ASMT: variants seen among roughly 807,000 people sequenced by gnomAD.
ASMT encodes the protein acetylserotonin N-methyltransferase.
ASMT carries 53 observed loss-of-function variants against 41.3 expected under a neutral mutation model. The observed-to-expected ratio is 1.28, with a 90% CI of 1.03 to 1.61. ASMT has a LOEUF of 1.61. ASMT is among the 40% of genes most tolerant of loss of function. The pLI is 0.00. For missense variants in ASMT, 531 were observed against 441.3 expected (o/e 1.20, Z -1.82); for synonymous variants, 231 against 184.8 (o/e 1.25, Z -2.03).
intron 5 of ASMT, among the ~76,000 whole-genome samples, chrX:1,630,245 T>G (rs1454808346): frequency 6.6e-6 from 1 of 150,540 alleles, no homozygotes; most frequent in African/African-American, 2.4e-5. Flanking sequence ...GCGATTCTCC[T>G]GCCTCAGCCT....
chrX:1,619,393 CAAAA>C (rs752048500), intron 1 of ASMT, among the ~76,000 whole-genome samples: 1 of 84,614 alleles, frequency 1.2e-5, no homozygotes, highest in Non-Finnish European at 2.7e-5. Flanking sequence ...GACCCTGTCT[CAAAA>C]AAAAAAAAAA....
Position 1,642,928 on chromosome X carries a change from C to G in ASMT, c.1036C>G (p.His346Asp), listed in dbSNP as rs140152081. 90 of 1,613,884 alleles carry G rather than the reference C, an allele frequency of 5.6e-5. No homozygotes were observed. The highest frequency in any genetic ancestry group is 6.9e-5 in the Non-Finnish European group (81 of 1,179,880). The part of the protein sequence containing the change: ...EGQERTPTHY[H>D]MLLSSAGFRD... Reference sequence around the variant, plus strand: ...GCAGGAGAGGACCCCCACCCACTACCACATGCTCCTCTCTTCTGCTGGCTT... The same window carrying G: ...GCAGGAGAGGACCCCCACCCACTACGACATGCTCCTCTCTTCTGCTGGCTT... Residue 346 changes from histidine (H) to aspartate (D), a missense_variant, in exon 9 of 9, where the codon CAC (histidine) becomes GAC (aspartate). Physicochemically the swap from His to Asp is moderately conservative, Grantham distance 81 (BLOSUM62 -1). Transcript: ENST00000381241.
In ASMT at chrX:1,615,241, C is replaced by G. The variant is rs370444234; in HGVS notation, c.42C>G (p.Asp14Glu). The G allele has an allele frequency of 2.4e-5, 38 of 1,598,154 alleles. No individual in the cohort carries two copies. In the African/African-American group the frequency reaches 2.5e-4, roughly 11 times the overall value. Reference protein sequence around the residue: ...SEDQAYRLLNDYANGFMVSQV... With the variant: ...SEDQAYRLLNEYANGFMVSQV... The stretch of plus-strand genomic sequence containing the variant: ...ACCAGGCCTATCGCCTCCTTAATGA[C>G]TACGCCAACGGCTTCATGGTGTCCC... Residue 14 changes from aspartate to glutamate, a missense_variant, in exon 1 of 9, where the codon GAC becomes GAG. Physicochemically the swap from Asp to Glu is conservative, Grantham distance 45. Transcript: ENST00000381241.
chrX:1,636,958 C>G (rs1261165144), intron 8 of ASMT, among the ~76,000 whole-genome samples: 1 of 88,332 alleles, frequency 1.1e-5, no homozygotes, highest in East Asian at 6.3e-4. Flanking sequence ...TGAGGTCCAT[C>G]CATCCTGATG....
rs763932976 is a variant in ASMT, at chrX:1,642,941, CT to C, written c.1051del (p.Ser351LeufsTer20). On this transcript the variant is annotated frameshift_variant, in exon 9 of 9. Coordinates refer to ENST00000381241, the MANE Select transcript of ASMT (RefSeq NM_001171038.2). LOFTEE classifies it high-confidence loss of function. ...RTPTHYHMLLSSAGFRDFQFK... is the reference protein window; with the variant it reads ...RTPTHYHMLLXSAGFRDFQFK... ...CCCACCCACTACCACATGCTCCTCT[CT>C]TCTGCTGGCTTCAGAGACTTCCAGT... 1 of 1,613,984 alleles carries C rather than the reference CT, an allele frequency of 6.2e-7. No homozygotes were observed. Among genetic ancestry groups the C allele is most frequent in the South Asian group, 1.1e-5 (1 of 91,072 alleles).
At chrX:1,636,312 A>C (rs1934960414) in intron 7 of ASMT, 126 bp from the exon 8 acceptor site, 2 of 1,365,230 alleles carry the variant, frequency 1.5e-6, no homozygotes. Flanking sequence ...CTAGGTCTGC[A>C]GGTGACTAGC....
At chrX:1,629,730 G>A (rs1240547092) in intron 4 of ASMT, 91 bp from the exon 5 acceptor site, 5 of 1,174,826 alleles carry the variant, frequency 4.3e-6, no homozygotes, top group Non-Finnish European at 6.4e-6. Context: ...GTGGGGTATA[G>A]CTCCGTTCTC....
At chrX:1,632,507 T>C (rs1374604984) in intron 5 of ASMT, among the ~76,000 whole-genome samples, 197 bp from the exon 6 acceptor site, 1 of 151,920 alleles carries the variant, frequency 6.6e-6, no homozygotes, top group Admixed American at 6.6e-5. Context: ...ATAAAAAAAT[T>C]AGCTGGGCGT....
At chrX:1,618,808 C>G (rs1279533648) in intron 1 of ASMT, among the ~76,000 whole-genome samples, 1 of 152,202 alleles carries the variant, frequency 6.6e-6, no homozygotes, top group Non-Finnish European at 1.5e-5. Context: ...CTACCTTTGC[C>G]TCCTTTGACC....
At chrX:1,623,443 CA>C in intron 2 of ASMT, 130 bp downstream of exon 2, 5 of 1,219,848 alleles carry the variant, frequency 4.1e-6, no homozygotes, top group Non-Finnish European at 5.9e-6. Flanking sequence ...AAAAAAAATA[CA>C]AAAAATTAGC....
Position 1,633,133 on chromosome X carries a change from G to A in ASMT, c.647-17G>A. The A allele has an allele frequency of 6.2e-7, 1 of 1,613,928 alleles. No homozygotes were observed. Among genetic ancestry groups the A allele is most frequent in the Non-Finnish European group, 8.5e-7 (1 of 1,179,850 alleles). The stretch of plus-strand genomic sequence containing the variant: ...AGGTTCATCTCTGAGGGTCAAACGG[G>A]CTGTGTCCCCTTCCAGGTGGGGCTG... On this transcript the variant is annotated splice_polypyrimidine_tract_variant and intron_variant, in intron 6 of 8. Transcript: ENST00000381241.
At chrX:1,627,143 G>C (rs772402600) in intron 3 of ASMT, among the ~76,000 whole-genome samples, 1 of 135,346 alleles carries the variant, frequency 7.4e-6, no homozygotes, top group African/African-American at 2.9e-5. Flanking sequence ...TGACCAACAT[G>C]ATGAAACCCC....
chrX:1,634,632 C>G (rs1487692080), intron 7 of ASMT, among the ~76,000 whole-genome samples: 1 of 151,086 alleles, frequency 6.6e-6, no homozygotes, highest in Non-Finnish European at 1.5e-5. Context: ...AGGGTTTGGA[C>G]AACACAGGCC....
chrX:1,617,069 A>G (rs1181898443), intron 1 of ASMT, among the ~76,000 whole-genome samples: 1 of 151,898 alleles, frequency 6.6e-6, no homozygotes, highest in African/African-American at 2.4e-5. Context: ...GCTACTCAGG[A>G]GGCTGAGGCG....
In ASMT at chrX:1,615,564, A is replaced by C. The variant is rs183927316; in HGVS notation, c.69+296A>C. On this transcript the variant is annotated intron_variant, in intron 1 of 8. Coordinates refer to ENST00000381241, the MANE Select transcript of ASMT (RefSeq NM_001171038.2). Reference sequence around the variant, plus strand: ...ACACCTGTGATCCCAGCACTTTGGGAGGCTGAGGCGGGCGGATCACCTGAG... The same window carrying C: ...ACACCTGTGATCCCAGCACTTTGGGCGGCTGAGGCGGGCGGATCACCTGAG... Among the ~76,000 whole-genome samples, 861 of 152,128 alleles carry C rather than the reference A, an allele frequency of 5.7e-3. 9 individuals are homozygous for C. The highest frequency in any genetic ancestry group is 0.02 in the African/African-American group (823 of 41,502).
At chrX:1,628,968 T>C (rs764296984) in intron 4 of ASMT, among the ~76,000 whole-genome samples, 4 of 150,040 alleles carry the variant, frequency 2.7e-5, no homozygotes, top group Admixed American at 1.3e-4. Context: ...CTTTCTTTCC[T>C]TCTTTCTCCT....
chrX:1,636,456 C>G lies in ASMT; in HGVS notation c.806C>G (p.Pro269Arg), dbSNP rs144881143. The G allele has an allele frequency of 1.2e-5, 20 of 1,613,796 alleles. No homozygotes were observed. Among genetic ancestry groups the G allele is most frequent in the Non-Finnish European group, 1.6e-5 (19 of 1,179,872 alleles). The stretch of plus-strand genomic sequence containing the variant: ...GTTCCAGGGGATTTCTTCAAAGACC[C>G]TCTTCCGGAAGCTGATCTGTACATC... ...DFQEGDFFKDPLPEADLYILA... is the reference protein window; with the variant it reads ...DFQEGDFFKDRLPEADLYILA... Residue 269 changes from proline (P) to arginine (R), a missense_variant, in exon 8 of 9, where the codon CCT becomes CGT. Physicochemically the swap from Pro to Arg is moderately radical, Grantham distance 103. Transcript: ENST00000381241.
At chrX:1,623,998 C>T (rs762185393) in intron 2 of ASMT, among the ~76,000 whole-genome samples, 3 of 152,180 alleles carry the variant, frequency 2.0e-5, no homozygotes, top group East Asian at 1.9e-4. Flanking sequence ...CGTTTCCTCT[C>T]GTGGCTCATC....
At chrX:1,622,267 C>T (rs1934364133) in intron 1 of ASMT, among the ~76,000 whole-genome samples, 1 of 150,760 alleles carries the variant, frequency 6.6e-6, no homozygotes, top group Non-Finnish European at 1.5e-5. Flanking sequence ...GCTGGGATTA[C>T]AGGCGTGAGC....
Sources: allele counts gnomAD v4.1 joint callset (sites outside exome capture counted in the v4.1 genomes callset), GRCh38; gene constraint gnomAD v4.1.1; transcripts MANE v1.5; gene names NCBI Gene and HGNC (gene_info 2026-07-23, HGNC 2026-07-21).